The following SSNA1 variants were observed in gnomAD, a reference collection of about 807,000 sequenced individuals.
The protein encoded by SSNA1 is microtubule nucleation factor SSNA1.
SSNA1 carries 13 observed loss-of-function variants against 13.3 expected under a neutral mutation model. The ratio of observed to expected loss-of-function variants is 0.97; its 90% CI spans 0.63 to 1.55. SSNA1 has a LOEUF of 1.55. Ranked by LOEUF, SSNA1 falls within the 40% of genes most tolerant of loss-of-function variation. SSNA1 has a pLI of 0.00. For missense variants in SSNA1, 186 were observed against 152.7 expected (o/e 1.22, Z -1.15); for synonymous variants, 89 against 65.9 (o/e 1.35, Z -1.70).
rs1360933970 is a variant in SSNA1, at chr9:137,190,014, C to T, written c.*100C>T. The T allele has an allele frequency of 1.8e-6, 2 of 1,097,048 alleles. No individual in the cohort carries two copies. Among genetic ancestry groups the T allele is most frequent in the Admixed American group, 2.0e-5 (1 of 49,046 alleles). The allele number at this position is 1,097,048 out of a possible 1,614,324, so 68.0% of individuals were successfully genotyped here. A position where few individuals can be genotyped will look rare whatever the true frequency, so the allele number is the denominator to read the frequency against. On this transcript the variant is annotated 3_prime_UTR_variant, in exon 3 of 3. Transcript: ENST00000322310. ...GTTCTTCACGGCAGCAGCTACCTTCCCTCACTGTCTCAGGTGCCGAGAGGG... is the reference window on the plus strand; with the variant it reads ...GTTCTTCACGGCAGCAGCTACCTTCTCTCACTGTCTCAGGTGCCGAGAGGG...
intron 2 of SSNA1, 32 bp downstream of exon 2, chr9:137,189,297 G>T: frequency 6.2e-7 from 1 of 1,611,070 alleles, no homozygotes; most frequent in Non-Finnish European, 8.5e-7. Flanking sequence ...CGAGCATCAG[G>T]GGATAGGCAC....
chr9:137,189,201 G>T lies in SSNA1; in HGVS notation c.188G>T (p.Arg63Leu). 1.2e-6 allele frequency: 2 copies of T among 1,613,218 alleles called. No individual in the cohort carries two copies. The highest frequency in any genetic ancestry group is 1.7e-6 in the Non-Finnish European group (2 of 1,179,994). ...GCCCGCGTCAACGAGAACCTGGCACGCAAGATTGCCTCTCGCAACGAGTTC... is the reference window on the plus strand; with the variant it reads ...GCCCGCGTCAACGAGAACCTGGCACTCAAGATTGCCTCTCGCAACGAGTTC... Reference protein sequence around the residue: ...KLARVNENLARKIASRNEFDR... With the variant: ...KLARVNENLALKIASRNEFDR... Residue 63 changes from arginine (R) to leucine (L), a missense_variant, in exon 2 of 3, where the codon CGC (arginine) becomes CTC (leucine). Arg to Leu is a moderately radical substitution (Grantham distance 102, BLOSUM62 -2). Transcript: ENST00000322310.
At position 137,188,710 on chromosome 9, in the gene SSNA1, C is replaced by T. The variant is rs757072290; in HGVS notation, c.-17C>T. 3.8e-6 allele frequency: 6 copies of T among 1,580,122 alleles called. No homozygotes were observed. The African/African-American group carries it at 4.1e-5, about 11-fold the overall frequency. On this transcript the variant is annotated 5_prime_UTR_variant, in exon 1 of 3. Transcript: ENST00000322310. ...TCCGCGGCGGTTGGGGTGGTGGGGCCCCGGGCGGCGTTGACCATGACCCAG... is the reference window on the plus strand; with the variant it reads ...TCCGCGGCGGTTGGGGTGGTGGGGCTCCGGGCGGCGTTGACCATGACCCAG...
At chr9:137,188,847 T>G in intron 1 of SSNA1, 69 bp downstream of exon 1, 3 of 1,481,048 alleles carry the variant, frequency 2.0e-6, no homozygotes, top group Non-Finnish European at 2.7e-6. Context: ...CGCAGCGGGG[T>G]GCCCCTGGAC....
At position 137,189,944 on chromosome 9, in the gene SSNA1, T is replaced by TGCCCCTCA. The variant is rs533779521; in HGVS notation, c.*33_*40dup. The TGCCCCTCA allele has an allele frequency of 9.0e-5, 142 of 1,584,666 alleles. 4 individuals are homozygous for TGCCCCTCA. In the South Asian group the frequency reaches 1.5e-3, roughly 17 times the overall value. On this transcript the variant is annotated 3_prime_UTR_variant, in exon 3 of 3. Coordinates refer to ENST00000322310, the MANE Select transcript of SSNA1 (RefSeq NM_003731.3). ...ACCACGGGCAGGGCCTGCCTCCGTG[T>TGCCCCTCA]GCCCCTCAGCTCAGCCCCAGCAAGT...
rs886725141 is a variant in SSNA1, at chr9:137,189,187, C to G, written c.174C>G (p.Asn58Lys). 1 of 1,613,048 alleles carries G rather than the reference C, an allele frequency of 6.2e-7. No individual in the cohort carries two copies. Among genetic ancestry groups the G allele is most frequent in the Admixed American group, 1.7e-5 (1 of 60,004 alleles). Reference sequence around the variant, plus strand: ...TGACAGAGAAGCTGGCCCGCGTCAACGAGAACCTGGCACGCAAGATTGCCT... The same window carrying G: ...TGACAGAGAAGCTGGCCCGCGTCAAGGAGAACCTGGCACGCAAGATTGCCT... ...RQLTEKLARV[N>K]ENLARKIASR... Residue 58 changes from asparagine (N) to lysine (K), a missense_variant, in exon 2 of 3, where the codon AAC (asparagine) becomes AAG (lysine). Transcript: ENST00000322310.
rs531455214 is a variant in SSNA1, at chr9:137,189,842, C to T, written c.288C>T (p.Leu96=). 7 of 1,614,030 alleles carry T rather than the reference C, an allele frequency of 4.3e-6. No individual in the cohort carries two copies. The East Asian group carries it at 6.7e-5, about 15-fold the overall frequency. The change falls in exon 3 of 3, where the codon CTC becomes CTT. Residue 96 remains leucine, a synonymous_variant. Transcript: ENST00000322310. ...GCTCCCAGACTTTGCTCAGCGTTCT[C>T]AAGAGGGAAGCTGGGAACCTGACCA... ...LESSQTLLSV[L]KREAGNLTKA...
chr9:137,190,108 A>G lies in SSNA1; in HGVS notation c.*194A>G, dbSNP rs765245250. The G allele has an allele frequency of 1.2e-5, 7 of 573,122 alleles. No individual in the cohort carries two copies. Among genetic ancestry groups the G allele is most frequent in the Non-Finnish European group, 2.2e-5 (7 of 320,130 alleles). 35.5% of individuals were successfully genotyped at this position (573,122 alleles called of 1,614,324 possible). On this transcript the variant is annotated 3_prime_UTR_variant, in exon 3 of 3. Transcript: ENST00000322310. ...CAGCCCACCCGGGGGTCCTCGCTTC[A>G]TGCTCACACAGGCTATGGGGATGGT... is the stretch of plus-strand genomic sequence containing the variant.
rs572322690 is a variant in SSNA1, at chr9:137,189,966, A to G, written c.*52A>G. 2.1e-5 allele frequency: 32 copies of G among 1,489,856 alleles called. No homozygotes were observed. Among genetic ancestry groups the G allele is most frequent in the Non-Finnish European group, 3.0e-5 (32 of 1,071,112 alleles). The allele number at this position is 1,489,856 out of a possible 1,614,324, so 92.3% of individuals were successfully genotyped here. On this transcript the variant is annotated 3_prime_UTR_variant, in exon 3 of 3. Transcript: ENST00000322310. ...GTGTGCCCCTCAGCTCAGCCCCAGC[A>G]AGTGTGTGCTCAGAGCATCTTTGTT...
At chr9:137,189,387 C>T (rs1834562106) in intron 2 of SSNA1, 122 bp downstream of exon 2, 6 of 1,187,754 alleles carry the variant, frequency 5.1e-6, no homozygotes, top group African/African-American at 1.5e-5. Flanking sequence ...GCTGGCATTT[C>T]GGGCAGGGGC....
intron 1 of SSNA1, 86 bp from the exon 2 acceptor site, chr9:137,188,978 ACT>A (rs1316072677): frequency 2.3e-5 from 34 of 1,478,640 alleles, no homozygotes; most frequent in East Asian, 2.2e-4. Context: ...GTGGTGCCTG[ACT>A]CTGGCTTCCT....
chr9:137,190,071 A>C lies in SSNA1; in HGVS notation c.*157A>C, dbSNP rs1418505712. On this transcript the variant is annotated 3_prime_UTR_variant, in exon 3 of 3. Coordinates refer to ENST00000322310, the MANE Select transcript of SSNA1 (RefSeq NM_003731.3). ...GCCAGCCTCCACTGGCATCAGTGACAAGCCCAGGGCACAGCCCACCCGGGG... is the reference window on the plus strand; with the variant it reads ...GCCAGCCTCCACTGGCATCAGTGACCAGCCCAGGGCACAGCCCACCCGGGG... The C allele has an allele frequency of 3.0e-6, 2 of 677,366 alleles. No individual in the cohort carries two copies. The highest frequency in any genetic ancestry group is 5.1e-6 in the Non-Finnish European group (2 of 395,744). 42.0% of individuals were successfully genotyped at this position (677,366 alleles called of 1,614,324 possible).
At chr9:137,189,731 G>A (rs1834567998) in intron 2 of SSNA1, 76 bp from the exon 3 acceptor site, 1 of 1,371,118 alleles carries the variant, frequency 7.3e-7, no homozygotes, top group African/African-American at 1.4e-5. Flanking sequence ...CCCAGCACCT[G>A]AGTGTGAGGA....
rs1161028448 is a variant in SSNA1, at chr9:137,189,088, G to C, written c.75G>C (p.Lys25Asn). 1 of 1,582,986 alleles carries C rather than the reference G, an allele frequency of 6.3e-7. No individual in the cohort carries two copies. Among genetic ancestry groups the C allele is most frequent in the Non-Finnish European group, 8.6e-7 (1 of 1,163,788 alleles). The change falls in exon 2 of 3, where the codon AAG becomes AAC. Residue 25 changes from lysine (K) to asparagine (N), a missense_variant. Physicochemically the swap from Lys to Asn is moderately conservative, Grantham distance 94. Transcript: ENST00000322310. Reference sequence around the variant, plus strand: ...CAGGCATAGAGGAGCTGTGCCAGAAGCGGGAGGAGCTGTGCCGGCAGATCC... The same window carrying C: ...CAGGCATAGAGGAGCTGTGCCAGAACCGGGAGGAGCTGTGCCGGCAGATCC... ...LVKCIEELCQ[K>N]REELCRQIQE...
rs767508488 is a variant in SSNA1 at position 137,189,784 on chromosome 9, CCTT to C, written c.253-20_253-18del. The C allele has an allele frequency of 1.2e-6, 2 of 1,607,818 alleles. No individual in the cohort carries two copies. Among genetic ancestry groups the C allele is most frequent in the South Asian group, 2.2e-5 (2 of 90,846 alleles). On this transcript the variant is annotated intron_variant, in intron 2 of 2. Coordinates refer to ENST00000322310, the MANE Select transcript of SSNA1 (RefSeq NM_003731.3). ...CTTACCAACAGGTGAACATTAACAA[CCTT>C]CTCACTTCTCTGGCCCCAGATCCTG...
At position 137,188,712 on chromosome 9, in the gene SSNA1, C is replaced by G. The variant is rs554228076; in HGVS notation, c.-15C>G. 209 of 1,580,644 alleles carry G rather than the reference C, an allele frequency of 1.3e-4. 1 individual carries two copies. In the South Asian group the frequency reaches 2.2e-3, roughly 17 times the overall value. ...CGCGGCGGTTGGGGTGGTGGGGCCC[C>G]GGGCGGCGTTGACCATGACCCAGCA... On this transcript the variant is annotated 5_prime_UTR_variant, in exon 1 of 3. Coordinates refer to ENST00000322310, the MANE Select transcript of SSNA1 (RefSeq NM_003731.3).
Position 137,189,140 on chromosome 9 carries a change from C to T in SSNA1, c.127C>T (p.Leu43=). The T allele has an allele frequency of 6.2e-7, 1 of 1,611,126 alleles. No individual in the cohort carries two copies. Among genetic ancestry groups the T allele is most frequent in the East Asian group, 2.2e-5 (1 of 44,824 alleles). ...GGAGGAGGAGGACGAGAAGCAGCGG[C>T]TGCAGAATGAGGTGAGGCAGCTGAC... is the stretch of plus-strand genomic sequence containing the variant. ...IQEEEDEKQR[L]QNEVRQLTEK... The change falls in exon 2 of 3, where the codon CTG becomes TTG. Residue 43 remains leucine, a synonymous_variant. Transcript: ENST00000322310.
In SSNA1 at chr9:137,190,078, G is replaced by C; in HGVS notation, c.*164G>C. 1.6e-6 allele frequency: 1 copy of C among 641,646 alleles called. No homozygotes were observed. Among genetic ancestry groups the C allele is most frequent in the Admixed American group, 2.7e-5 (1 of 37,476 alleles). The allele number at this position is 641,646 out of a possible 1,614,324, so 39.7% of individuals were successfully genotyped here. On this transcript the variant is annotated 3_prime_UTR_variant, in exon 3 of 3. Coordinates refer to ENST00000322310, the MANE Select transcript of SSNA1 (RefSeq NM_003731.3). ...TCCACTGGCATCAGTGACAAGCCCA[G>C]GGCACAGCCCACCCGGGGGTCCTCG...
Position 137,188,714 on chromosome 9 carries a change from G to C in SSNA1, c.-13G>C, listed in dbSNP as rs377078426. ...CGGCGGTTGGGGTGGTGGGGCCCCG[G>C]GCGGCGTTGACCATGACCCAGCAGG... On this transcript the variant is annotated 5_prime_UTR_variant, in exon 1 of 3. Coordinates refer to ENST00000322310, the MANE Select transcript of SSNA1 (RefSeq NM_003731.3). 6.3e-6 allele frequency: 10 copies of C among 1,581,908 alleles called. No individual in the cohort carries two copies. The highest frequency in any genetic ancestry group is 8.5e-6 in the Non-Finnish European group (10 of 1,172,262).
Sources: allele counts gnomAD v4.1 joint callset, GRCh38; gene constraint gnomAD v4.1.1; transcripts MANE v1.5; gene names NCBI Gene and HGNC (gene_info 2026-07-23, HGNC 2026-07-21).